Variants in AGO2 observed in about 807,000 individuals in gnomAD.
AGO2 encodes the protein protein argonaute-2.
A neutral mutation model predicts 102.3 loss-of-function variants in AGO2; 5 were observed. The observed-to-expected ratio is 0.05, with a 90% CI of 0.03 to 0.10. AGO2 has a LOEUF of 0.10. AGO2 is among the 10% of genes least tolerant of loss of function. The probability of loss-of-function intolerance (pLI) is 1.00; values close to 1 mark genes in which losing one functional copy is unlikely to be tolerated. For missense variants in AGO2, 541 were observed against 1,183.7 expected, an observed-to-expected ratio of 0.46 and a Z score of 7.97; for synonymous variants, 449 against 473.1, an observed-to-expected ratio of 0.95 and a Z score of 0.66.
In AGO2 at chr8:140,528,848, G is replaced by A. The variant is rs1319254183; in HGVS notation, c.*3196C>T. The A allele has an allele frequency of 1.3e-5, 2 of 152,166 alleles. No homozygotes were observed. Among genetic ancestry groups the A allele is most frequent in the Non-Finnish European group, 2.9e-5 (2 of 68,020 alleles). The allele number at this position is 152,166 out of a possible 1,614,324, so 9.4% of individuals were successfully genotyped here. On this transcript the variant is annotated 3_prime_UTR_variant, in exon 19 of 19. Transcript: ENST00000220592. The surrounding 1 kb of genome is among the most constrained non-coding windows in gnomAD (Gnocchi z 4.5). The stretch of plus-strand genomic sequence containing the variant: ...GCGTCACCGAAGGGCTCACACACGA[G>A]GGCAGCTTTCCACCGCTCCCCTGGT...
chr8:140,544,409 T>A, intron 13 of AGO2, 106 bp from the exon 14 acceptor site: 1 of 888,268 alleles, frequency 1.1e-6, no homozygotes, highest in Non-Finnish European at 1.7e-6. Context: ...ATCATGGTAA[T>A]GCTTTTGAAA....
chr8:140,568,553 G>A (rs115322164), intron 3 of AGO2, among the ~76,000 whole-genome samples: 1,778 of 152,280 alleles, frequency 0.012, 24 homozygotes, highest in Middle Eastern at 0.061. Flanking sequence ...TATGCCTGCC[G>A]AGCCCAGGCC....
rs185132738 is a variant in AGO2, at chr8:140,610,082, G to A, written c.23-24771C>T. 1.9e-4 allele frequency among the ~76,000 whole-genome samples: 28 copies of A among 149,546 alleles called. 1 individual carries two copies. Among genetic ancestry groups the A allele is most frequent in the Middle Eastern group, 3.6e-3 (1 of 280 alleles). On this transcript the variant is annotated intron_variant, in intron 1 of 18. Transcript: ENST00000220592. ...AAGCCAGGTATGGTGGTGCACACCCGTAATCCCAGCTACTTGAGAGGCTGA... is the reference window on the plus strand; with the variant it reads ...AAGCCAGGTATGGTGGTGCACACCCATAATCCCAGCTACTTGAGAGGCTGA...
At chr8:140,555,792 C>T in intron 10 of AGO2, 104 bp downstream of exon 10, 1 of 1,439,768 alleles carries the variant, frequency 6.9e-7, no homozygotes, top group African/African-American at 1.4e-5. Flanking sequence ...GATTCTCCTG[C>T]ATGGAACACA....
intron 13 of AGO2, among the ~76,000 whole-genome samples, chr8:140,546,579 AGT>A (rs2072904990): frequency 1.3e-5 from 2 of 152,222 alleles, no homozygotes; most frequent in African/African-American, 4.8e-5. Context: ...ACGGCGTGCC[AGT>A]GATGCAGATT....
intron 10 of AGO2, among the ~76,000 whole-genome samples, chr8:140,554,462 A>G (rs1239168915): frequency 6.6e-6 from 1 of 152,220 alleles, no homozygotes; most frequent in Non-Finnish European, 1.5e-5. Flanking sequence ...GCAGCCTCTC[A>G]GTGAGCTCTA....
intron 1 of AGO2, among the ~76,000 whole-genome samples, chr8:140,597,462 G>T (rs1478747556): frequency 8.6e-6 from 1 of 115,716 alleles, no homozygotes; most frequent in East Asian, 2.6e-4. Flanking sequence ...ATGGGGGCTG[G>T]GTGGCCCCCC....
Position 140,520,839 on chromosome 8 carries a change from GTGTC to G in AGO2, c.*11201_*11204del, listed in dbSNP as rs1194040290. The G allele has an allele frequency of 2.6e-5, 4 of 152,154 alleles. No homozygotes were observed. The highest frequency in any genetic ancestry group is 9.7e-5 in the African/African-American group (4 of 41,430). The allele number at this position is 152,154 out of a possible 1,614,324, so 9.4% of individuals were successfully genotyped here. A position where few individuals can be genotyped will look rare whatever the true frequency, so the allele number is the denominator to read the frequency against. On this transcript the variant is annotated 3_prime_UTR_variant, in exon 19 of 19. Coordinates refer to ENST00000220592, the MANE Select transcript of AGO2 (RefSeq NM_012154.5). Reference sequence around the variant, plus strand: ...ACATTATTGTCTGCTTATAAACACAGTGTCTGCCTCCTCAGGTGTATTTGGCTAA... The same window carrying G: ...ACATTATTGTCTGCTTATAAACACAGTGCCTCCTCAGGTGTATTTGGCTAA...
intron 1 of AGO2, among the ~76,000 whole-genome samples, chr8:140,585,800 T>G (rs2073646336): frequency 1.3e-5 from 2 of 152,214 alleles, no homozygotes; most frequent in Non-Finnish European, 2.9e-5. Flanking sequence ...GCTTTCAATT[T>G]TCACTCAAAT....
In AGO2 at chr8:140,540,781, G is replaced by T. The variant is rs2072782933; in HGVS notation, c.2034+383C>A. Among the ~76,000 whole-genome samples, 1 of 152,056 alleles carries T rather than the reference G, an allele frequency of 6.6e-6. No homozygotes were observed. Among genetic ancestry groups the T allele is most frequent in the African/African-American group, 2.4e-5 (1 of 41,398 alleles). On this transcript the variant is annotated intron_variant, in intron 15 of 18. Coordinates refer to ENST00000220592, the MANE Select transcript of AGO2 (RefSeq NM_012154.5). The surrounding 1 kb of genome is among the most constrained non-coding windows in gnomAD (Gnocchi z 5.0). ...ACACTGCAGACAGGCGTCCCCAGAC[G>T]CAATGAGCTCCCCGCCTCGCAGGGA...
chr8:140,564,482 CCT>C (rs1189902385), intron 3 of AGO2, among the ~76,000 whole-genome samples: 1 of 152,190 alleles, frequency 6.6e-6, no homozygotes, highest in African/African-American at 2.4e-5. Context: ...TTTCCTTCAG[CCT>C]CTGTTACCCC....
In AGO2 at chr8:140,535,450, G is replaced by T. The variant is rs2072679899; in HGVS notation, c.2271+18C>A. ...GCAGACGGCCAAGACTCTGTCCGAAGGGGACTCCCGGCCTTACCTGGATGC... is the reference window on the plus strand; with the variant it reads ...GCAGACGGCCAAGACTCTGTCCGAATGGGACTCCCGGCCTTACCTGGATGC... On this transcript the variant is annotated intron_variant, in intron 17 of 18. Transcript: ENST00000220592. The T allele has an allele frequency of 6.2e-6, 10 of 1,612,226 alleles. 1 individual carries two copies. The East Asian group carries it at 2.2e-4, about 36-fold the overall frequency.
At chr8:140,563,390 T>C (rs1376473920) in intron 3 of AGO2, among the ~76,000 whole-genome samples, 1 of 152,072 alleles carries the variant, frequency 6.6e-6, no homozygotes, top group East Asian at 1.9e-4. Flanking sequence ...GCCACCAAAC[T>C]CGGCTAATTT....
chr8:140,557,372 G>T lies in AGO2; in HGVS notation c.879-136C>A. On this transcript the variant is annotated intron_variant, in intron 7 of 18. Coordinates refer to ENST00000220592, the MANE Select transcript of AGO2 (RefSeq NM_012154.5). This position sits in a 1 kb window ranked among gnomAD's most constrained non-coding sequence, Gnocchi z 5.9. ...GAGCACTTCCGGGAGTGAAAACCAT[G>T]TCATGTGCTTTGGGTTATCTGGAAT... 9.0e-7 allele frequency: 1 copy of T among 1,107,716 alleles called. No homozygotes were observed. Among genetic ancestry groups the T allele is most frequent in the Non-Finnish European group, 1.3e-6 (1 of 795,130 alleles). The allele number at this position is 1,107,716 out of a possible 1,614,324, so 68.6% of individuals were successfully genotyped here.
In AGO2 at chr8:140,602,813, G is replaced by A. The variant is rs1010838791; in HGVS notation, c.23-17502C>T. 3.3e-5 allele frequency among the ~76,000 whole-genome samples: 5 copies of A among 152,148 alleles called. No homozygotes were observed. In the South Asian group the frequency reaches 1.0e-3, roughly 32 times the overall value. The stretch of plus-strand genomic sequence containing the variant: ...TTTTCCTAGTCAGAATAATTAATTA[G>A]GAGTAAATTGCTGAAAATCAAGCAG... On this transcript the variant is annotated intron_variant, in intron 1 of 18. Transcript: ENST00000220592.
chr8:140,552,291 G>T (rs2073012413), intron 10 of AGO2, among the ~76,000 whole-genome samples: 2 of 152,208 alleles, frequency 1.3e-5, no homozygotes, highest in African/African-American at 4.8e-5. Context: ...AAGGCGGGCT[G>T]TGCAAATGCG....
chr8:140,580,927 C>T (rs1247676647), intron 2 of AGO2, among the ~76,000 whole-genome samples: 1 of 152,256 alleles, frequency 6.6e-6, no homozygotes, highest in Admixed American at 6.5e-5. Context: ...CTGAGCCTGG[C>T]AGGCGAAACC....
At chr8:140,573,209 G>C (rs1030855801) in intron 2 of AGO2, among the ~76,000 whole-genome samples, 4 of 151,330 alleles carry the variant, frequency 2.6e-5, no homozygotes, top group Non-Finnish European at 5.9e-5. Context: ...CGCTCTTGTT[G>C]CCCGGGCTGG....
chr8:140,575,282 C>T (rs1317706346), intron 2 of AGO2, among the ~76,000 whole-genome samples: 1 of 150,512 alleles, frequency 6.6e-6, no homozygotes, highest in Non-Finnish European at 1.5e-5. Context: ...CCTGGCACCT[C>T]CCTGGCAGCC....
Sources: gnomAD v4.1 joint callset for allele counts (sites outside exome capture counted in the v4.1 genomes callset) on GRCh38, gnomAD v4.1.1 for gene constraint, Gnocchi (gnomAD v3.1) non-coding constraint, MANE v1.5 for transcripts, NCBI Gene and HGNC (gene_info 2026-07-23, HGNC 2026-07-21) for gene names.